Variants in ZNF280B observed in about 807,000 individuals in gnomAD.
The protein encoded by ZNF280B is zinc finger protein 280B, also known as suppressor of hairy wing homolog 2.
ZNF280B carries 16 observed loss-of-function variants against 38.0 expected under a neutral mutation model. That is an observed-to-expected ratio of 0.42 (90% CI 0.28 to 0.64). ZNF280B has a LOEUF of 0.64. ZNF280B is among the 30% of genes least tolerant of loss of function. The probability of loss-of-function intolerance (pLI) is 0.21; values close to 1 mark genes in which losing one functional copy is unlikely to be tolerated. For synonymous variants in ZNF280B, 253 were observed against 230.6 expected, an observed-to-expected ratio of 1.10 and a Z score of -0.88; for missense variants, 581 against 639.6, an observed-to-expected ratio of 0.91 and a Z score of 0.99.
chr22:22,504,896 G>A (rs1383622197), intron 2 of ZNF280B, among the ~76,000 whole-genome samples: 3 of 151,982 alleles, frequency 2.0e-5, no homozygotes, highest in Admixed American at 1.3e-4. Flanking sequence ...CCAACAAGGT[G>A]CCATGTATTG....
chr22:22,496,105 CTTT>C (rs34586676), intron 2 of ZNF280B, among the ~76,000 whole-genome samples: 4,849 of 114,550 alleles, frequency 0.042, 259 homozygotes, highest in African/African-American at 0.14. Context: ...TGCGCCTGGC[CTTT>C]TTTTTTTTTT....
At chr22:22,502,595 T>C (rs746856152) in intron 2 of ZNF280B, among the ~76,000 whole-genome samples, 2 of 151,850 alleles carry the variant, frequency 1.3e-5, no homozygotes, top group African/African-American at 2.4e-5. Flanking sequence ...TATTCAGCCA[T>C]AAAAAAACTA....
At chr22:22,493,508 A>T (rs1049212369) in intron 3 of ZNF280B, among the ~76,000 whole-genome samples, 6 of 152,088 alleles carry the variant, frequency 3.9e-5, no homozygotes, top group African/African-American at 1.2e-4. Context: ...AAAGTGTCTC[A>T]TTGGATTCAT....
At chr22:22,490,351 G>A (rs2061568486) in intron 3 of ZNF280B, among the ~76,000 whole-genome samples, 1 of 151,836 alleles carries the variant, frequency 6.6e-6, no homozygotes. Flanking sequence ...AAAAGACCAA[G>A]TATTACCAAT....
intron 3 of ZNF280B, among the ~76,000 whole-genome samples, chr22:22,492,075 T>C (rs1225766400): frequency 2.0e-5 from 3 of 151,988 alleles, no homozygotes; most frequent in Non-Finnish European, 4.4e-5. Context: ...CAATATTTAT[T>C]CCTATAAATA....
At chr22:22,495,646 T>C (rs2061678803) in intron 2 of ZNF280B, among the ~76,000 whole-genome samples, 1 of 151,936 alleles carries the variant, frequency 6.6e-6, no homozygotes, top group Non-Finnish European at 1.5e-5. Context: ...GGATAAAAGG[T>C]CAGAGAGGTA....
intron 2 of ZNF280B, among the ~76,000 whole-genome samples, chr22:22,501,303 G>A (rs2061819971): frequency 6.6e-6 from 1 of 151,822 alleles, no homozygotes; most frequent in Admixed American, 6.6e-5. Flanking sequence ...GGTGGCTCAC[G>A]TCTATAATCC....
intron 2 of ZNF280B, among the ~76,000 whole-genome samples, chr22:22,502,357 A>G (rs557032464): frequency 1.0e-3 from 157 of 152,094 alleles, no homozygotes; most frequent in African/African-American, 3.6e-3. Context: ...GTGATAATAT[A>G]AACTTGTACT....
chr22:22,498,955 G>A (rs926193464), intron 2 of ZNF280B, among the ~76,000 whole-genome samples: 13 of 151,294 alleles, frequency 8.6e-5, no homozygotes, highest in Admixed American at 7.2e-4. Flanking sequence ...CCGCCATCAC[G>A]CCCAGCTAAT....
At chr22:22,491,457 C>CTTTTTTTTTTT (rs55720546) in intron 3 of ZNF280B, among the ~76,000 whole-genome samples, 7 of 113,966 alleles carry the variant, frequency 6.1e-5, no homozygotes, top group Non-Finnish European at 7.5e-5. Flanking sequence ...TGTCTTTTTT[C>CTTTTTTTTTTT]TTTTTTTTTT....
intron 2 of ZNF280B, among the ~76,000 whole-genome samples, chr22:22,507,175 A>G (rs2061955612): frequency 1.3e-5 from 2 of 151,956 alleles, no homozygotes; most frequent in South Asian, 4.2e-4. Context: ...ATCCAAACCA[A>G]GTCAATTCCG....
chr22:22,503,531 G>T (rs1478870199), intron 2 of ZNF280B, among the ~76,000 whole-genome samples: 2 of 151,884 alleles, frequency 1.3e-5, no homozygotes, highest in African/African-American at 2.4e-5. Flanking sequence ...CTCATCTAGC[G>T]AACAAAAAGA....
intron 3 of ZNF280B, among the ~76,000 whole-genome samples, chr22:22,490,775 C>T (rs1430853151): frequency 6.6e-6 from 1 of 151,788 alleles, no homozygotes; most frequent in Non-Finnish European, 1.5e-5. Context: ...GCCCTCCCTG[C>T]TATTTCTTGA....
In ZNF280B at chr22:22,484,600, AGTG is replaced by A. The variant is rs1268659897; in HGVS notation, c.*3164_*3166del. On this transcript the variant is annotated 3_prime_UTR_variant, in exon 4 of 4. Transcript: ENST00000626650. ...TTCAATATATTTGTAAACAAAACAAAGTGACATTGCCTTAAAAATATATAGAGG... is the reference window on the plus strand; with the variant it reads ...TTCAATATATTTGTAAACAAAACAAAACATTGCCTTAAAAATATATAGAGG... 3 of 152,432 alleles carry A rather than the reference AGTG, an allele frequency of 2.0e-5. No homozygotes were observed. The highest frequency in any genetic ancestry group is 7.2e-5 in the African/African-American group (3 of 41,402). The allele number at this position is 152,432 out of a possible 1,614,324, so 9.4% of individuals were successfully genotyped here. A position where few individuals can be genotyped will look rare whatever the true frequency, so the allele number is the denominator to read the frequency against.
In ZNF280B at chr22:22,488,335, G is replaced by A. The variant is rs183652308; in HGVS notation, c.1064C>T (p.Pro355Leu). Reference sequence around the variant, plus strand: ...TTCGATGTGACACTGTAGCTGGAAGGGAGTGGGAAACTGCCGGTGGCAGTG... The same window carrying A: ...TTCGATGTGACACTGTAGCTGGAAGAGAGTGGGAAACTGCCGGTGGCAGTG... ...CQHCHRQFPTPFQLQCHIENV... is the reference protein window; with the variant it reads ...CQHCHRQFPTLFQLQCHIENV... The change falls in exon 4 of 4, where the codon CCC (proline) becomes CTC (leucine). Residue 355 changes from proline to leucine, a missense_variant. Transcript: ENST00000626650. 446 of 1,613,882 alleles carry A rather than the reference G, an allele frequency of 2.8e-4. 1 individual carries two copies. The highest frequency in any genetic ancestry group is 8.2e-4 in the Admixed American group (49 of 59,982).
rs1226852097 is a variant in ZNF280B, at chr22:22,488,753, T to G, written c.646A>C (p.Ser216Arg). ...GTATGAACATTATTTGAGGGTGTAC[T>G]TTGCTGAGTATTCATTGTATGAAAG... ...DTFHTMNTQQ[S>R]TPSNNVHTSL... The change falls in exon 4 of 4, where the codon AGT becomes CGT. Residue 216 changes from serine (S) to arginine (R), a missense_variant. Coordinates refer to ENST00000626650, the MANE Select transcript of ZNF280B (RefSeq NM_080764.4). 6.2e-7 allele frequency: 1 copy of G among 1,613,876 alleles called. No individual in the cohort carries two copies. The highest frequency in any genetic ancestry group is 1.3e-5 in the African/African-American group (1 of 74,976).
rs2061527744 is a variant in ZNF280B at position 22,488,148 on chromosome 22, A to G, written c.1251T>C (p.Asp417=). 4 of 1,613,944 alleles carry G rather than the reference A, an allele frequency of 2.5e-6. No individual in the cohort carries two copies. The highest frequency in any genetic ancestry group is 3.4e-6 in the Non-Finnish European group (4 of 1,179,984). Residue 417 remains aspartate, a synonymous_variant, in exon 4 of 4, where the codon GAT becomes GAC. Coordinates refer to ENST00000626650, the MANE Select transcript of ZNF280B (RefSeq NM_080764.4). ...GGCACGTTCTAAAATGTGTTTCTAC[A>G]TCAGCAAAGACCGACGATCTATAAT... The part of the protein sequence containing the change: ...VCHYRSSVFA[D]VETHFRTCHE...
chr22:22,502,924 C>T (rs117058635), intron 2 of ZNF280B, among the ~76,000 whole-genome samples: 40 of 151,926 alleles, frequency 2.6e-4, no homozygotes, highest in Non-Finnish European at 4.7e-4. Flanking sequence ...AATGCCACCA[C>T]AAATGTCCTT....
intron 2 of ZNF280B, among the ~76,000 whole-genome samples, chr22:22,498,490 T>C (rs1214500769): frequency 6.6e-6 from 1 of 151,772 alleles, no homozygotes; most frequent in East Asian, 2.0e-4. Context: ...ATGAAACAAA[T>C]TCCTAGAAAG....
Sources: gnomAD v4.1 joint callset for allele counts (sites outside exome capture counted in the v4.1 genomes callset) on GRCh38, gnomAD v4.1.1 for gene constraint, MANE v1.5 for transcripts, NCBI Gene and HGNC (gene_info 2026-07-23, HGNC 2026-07-21) for gene names.